LRRIQ3: variants seen among roughly 807,000 people sequenced by gnomAD.
LRRIQ3 encodes the protein leucine-rich repeat and IQ domain-containing protein 3.
Under a neutral mutation model 59.3 loss-of-function variants are expected in LRRIQ3, and 75 were observed. The observed-to-expected ratio is 1.26, with a 90% CI of 1.05 to 1.53. LRRIQ3 has a LOEUF of 1.53. Ranked by LOEUF, LRRIQ3 falls within the 40% of genes most tolerant of loss-of-function variation. The pLI is 0.00. For synonymous variants in LRRIQ3, 250 were observed against 231.3 expected, an observed-to-expected ratio of 1.08 and a Z score of -0.73; for missense variants, 831 against 710.0, an observed-to-expected ratio of 1.17 and a Z score of -1.94.
chr1:74,108,799 A>G, intron 5 of LRRIQ3: 1 of 282,510 alleles, frequency 3.5e-6, no homozygotes, highest in Non-Finnish European at 7.0e-6. Context: ...GTCCGATCCT[A>G]CCTATTAATT....
intron 4 of LRRIQ3, among the ~76,000 whole-genome samples, chr1:74,128,376 T>C (rs1422398154): frequency 6.6e-6 from 1 of 152,142 alleles, no homozygotes; most frequent in African/African-American, 2.4e-5. Context: ...ATTCTTCTGG[T>C]AAGAGACCGA....
At chr1:74,099,482 A>G (rs4650247) in intron 5 of LRRIQ3, among the ~76,000 whole-genome samples, 124,242 of 152,070 alleles carry the variant, frequency 0.82, 52,676 homozygotes, top group East Asian at 0.97. Context: ...GAGGTACAAG[A>G]AGGAGCTGGT....
At chr1:74,107,252 A>C (rs530965268) in intron 5 of LRRIQ3, among the ~76,000 whole-genome samples, 2 of 151,840 alleles carry the variant, frequency 1.3e-5, no homozygotes, top group East Asian at 3.9e-4. Flanking sequence ...TAATTACTGA[A>C]CCTTGAATTC....
chr1:74,065,823 C>T (rs1185906918), intron 6 of LRRIQ3, among the ~76,000 whole-genome samples: 3 of 151,850 alleles, frequency 2.0e-5, no homozygotes, highest in African/African-American at 7.3e-5. Context: ...CTGAGATAGC[C>T]CCTTAAAAAG....
At chr1:74,124,532 T>G (rs143618679) in intron 4 of LRRIQ3, among the ~76,000 whole-genome samples, 2,607 of 152,070 alleles carry the variant, frequency 0.017, 32 homozygotes, top group Non-Finnish European at 0.025. Flanking sequence ...GATGTGATTT[T>G]TCTATATGGT....
intron 7 of LRRIQ3, among the ~76,000 whole-genome samples, chr1:74,031,608 G>T (rs984791858): frequency 7.4e-6 from 1 of 135,812 alleles, no homozygotes; most frequent in Non-Finnish European, 1.6e-5. Context: ...ACTGGGGCCT[G>T]TTGTGGGGTG....
intron 1 of LRRIQ3, among the ~76,000 whole-genome samples, chr1:74,190,185 A>C (rs1395411263): frequency 6.6e-6 from 1 of 152,164 alleles, no homozygotes; most frequent in Non-Finnish European, 1.5e-5. Flanking sequence ...ACAGACACAC[A>C]GATGTCAGGG....
At chr1:74,148,405 C>A (rs1647711573) in intron 4 of LRRIQ3, among the ~76,000 whole-genome samples, 1 of 152,152 alleles carries the variant, frequency 6.6e-6, no homozygotes, top group Non-Finnish European at 1.5e-5. Context: ...ACAGAGACAC[C>A]AGTCAGGCCA....
intron 3 of LRRIQ3, among the ~76,000 whole-genome samples, chr1:74,179,110 C>T (rs557128075): frequency 1.3e-5 from 2 of 152,148 alleles, no homozygotes; most frequent in South Asian, 4.2e-4. Flanking sequence ...TGGCTGATAG[C>T]ACTGGTTTCT....
Position 74,188,591 on chromosome 1 carries a change from T to C in LRRIQ3, c.1-4907A>G, listed in dbSNP as rs541209400. ...ATCCACACATCCCCAATTTAGTGATTACATATTTATATATGTTATTATTTA... is the reference window on the plus strand; with the variant it reads ...ATCCACACATCCCCAATTTAGTGATCACATATTTATATATGTTATTATTTA... On this transcript the variant is annotated intron_variant, in intron 1 of 7. Transcript: ENST00000354431. 3.3e-4 allele frequency among the ~76,000 whole-genome samples: 51 copies of C among 152,292 alleles called. 1 individual carries two copies. The highest frequency in any genetic ancestry group is 3.4e-3 in the Middle Eastern group (1 of 294).
intron 4 of LRRIQ3, among the ~76,000 whole-genome samples, chr1:74,112,344 G>T (rs1176548594): frequency 6.6e-6 from 1 of 152,108 alleles, no homozygotes; most frequent in African/African-American, 2.4e-5. Context: ...TAGAGATTAT[G>T]ATGTTAAGCA....
rs139979433 is a variant in LRRIQ3 at position 74,192,494 on chromosome 1, C to T, written c.-1+5502G>A. On this transcript the variant is annotated intron_variant, in intron 1 of 7. Transcript: ENST00000354431. ...AGTTCCTCTTTACTGATTTTTGTTT[C>T]ATATGTATTCAATATTTTAAAATCT... Among the ~76,000 whole-genome samples, 589 of 152,020 alleles carry T rather than the reference C, an allele frequency of 3.9e-3. 2 individuals carry two copies. Among genetic ancestry groups the T allele is most frequent in the African/African-American group, 0.013 (529 of 41,492 alleles).
At chr1:74,046,730 A>G (rs1310520008) in intron 6 of LRRIQ3, among the ~76,000 whole-genome samples, 1 of 152,182 alleles carries the variant, frequency 6.6e-6, no homozygotes, top group Admixed American at 6.6e-5. Flanking sequence ...AGAATCTACA[A>G]AGAGCTTAAA....
At chr1:74,063,308 G>A (rs1654782256) in intron 6 of LRRIQ3, among the ~76,000 whole-genome samples, 1 of 151,894 alleles carries the variant, frequency 6.6e-6, no homozygotes, top group South Asian at 2.1e-4. Context: ...TTCATAACGT[G>A]GTATACTTGT....
chr1:74,105,581 T>C (rs1462775718), intron 5 of LRRIQ3, among the ~76,000 whole-genome samples: 1 of 151,990 alleles, frequency 6.6e-6, no homozygotes. Context: ...AGTTATCTTG[T>C]TGCTATTTTT....
At chr1:74,191,094 C>A (rs1003847658) in intron 1 of LRRIQ3, among the ~76,000 whole-genome samples, 2 of 152,058 alleles carry the variant, frequency 1.3e-5, no homozygotes, top group Non-Finnish European at 2.9e-5. Flanking sequence ...AGCATGAAAA[C>A]AGACTAATAC....
intron 6 of LRRIQ3, among the ~76,000 whole-genome samples, chr1:74,049,264 T>A (rs1207495649): frequency 2.6e-5 from 4 of 152,110 alleles, no homozygotes; most frequent in Non-Finnish European, 5.9e-5. Flanking sequence ...GCATGGTAGG[T>A]CACAGAATAA....
chr1:74,065,273 G>A (rs1654835706), intron 6 of LRRIQ3, among the ~76,000 whole-genome samples: 1 of 152,070 alleles, frequency 6.6e-6, no homozygotes, highest in Non-Finnish European at 1.5e-5. Flanking sequence ...TAATTCTTAA[G>A]TATTTCATTT....
At chr1:74,179,476 T>A (rs1439863874) in intron 3 of LRRIQ3, among the ~76,000 whole-genome samples, 1 of 152,014 alleles carries the variant, frequency 6.6e-6, no homozygotes, top group East Asian at 1.9e-4. Flanking sequence ...TTATATAAAA[T>A]AATTGTGTGA....
Sources: gnomAD v4.1 joint callset for allele counts (sites outside exome capture counted in the v4.1 genomes callset) on GRCh38, gnomAD v4.1.1 for gene constraint, MANE v1.5 for transcripts, NCBI Gene and HGNC (gene_info 2026-07-23, HGNC 2026-07-21) for gene names.